Variants in PHF24 observed in about 807,000 individuals in gnomAD.
PHF24 encodes the protein Galpha inhibitory interacting protein.
A neutral mutation model predicts 42.6 loss-of-function variants in PHF24; 25 were observed. The observed-to-expected ratio is 0.59, with a 90% CI of 0.43 to 0.82. The LOEUF (loss-of-function observed/expected upper bound fraction) is 0.82, where lower values mean the gene tolerates loss of function less well. PHF24 is among the 40% of genes least tolerant of loss of function. The pLI, the probability that PHF24 is intolerant of heterozygous loss-of-function variation, is 0.00. For synonymous variants in PHF24, 185 were observed against 204.8 expected (o/e 0.90, Z 0.83); for missense variants, 470 against 538.1 (o/e 0.87, Z 1.25).
At chr9:34,898,808 G>C in the PHF24 span, among the ~76,000 whole-genome samples, 1 of 152,228 alleles carries the variant, frequency 6.6e-6, no homozygotes, top group South Asian at 2.1e-4. Context: ...TGCAAGTCCT[G>C]CACCTGCTTC....
the PHF24 span, among the ~76,000 whole-genome samples, chr9:34,769,178 G>A: frequency 4.6e-5 from 7 of 152,100 alleles, no homozygotes; most frequent in African/African-American, 7.2e-5. Context: ...GTGCAGTGGC[G>A]CAGTCTTGGC....
the PHF24 span, among the ~76,000 whole-genome samples, chr9:34,707,383 C>T: frequency 6.6e-6 from 1 of 152,120 alleles, no homozygotes; most frequent in African/African-American, 2.4e-5. Flanking sequence ...TTTGCATAAC[C>T]CTTGGCAGGT....
At chr9:34,674,305 C>T in the PHF24 span, among the ~76,000 whole-genome samples, 5 of 152,334 alleles carry the variant, frequency 3.3e-5, no homozygotes, top group Non-Finnish European at 7.3e-5. Flanking sequence ...TCTATCCATC[C>T]GTCCATCCCA....
chr9:34,694,625 G>A, the PHF24 span, among the ~76,000 whole-genome samples: 1 of 152,126 alleles, frequency 6.6e-6, no homozygotes, highest in African/African-American at 2.4e-5. Context: ...GAGCCACCAT[G>A]CCCGGCCTAA....
the PHF24 span, among the ~76,000 whole-genome samples, chr9:34,703,893 G>A: frequency 7.9e-5 from 12 of 152,046 alleles, no homozygotes; most frequent in East Asian, 2.1e-3. Flanking sequence ...TTGGTTTCAG[G>A]TTTATAGGAC....
At chr9:34,845,436 AG>A in the PHF24 span, among the ~76,000 whole-genome samples, 28 of 152,002 alleles carry the variant, frequency 1.8e-4, no homozygotes, top group Non-Finnish European at 3.7e-4. Flanking sequence ...TGTTGAGGTT[AG>A]ATGATTTTCT....
the PHF24 span, among the ~76,000 whole-genome samples, chr9:34,760,535 A>G: frequency 6.6e-6 from 1 of 152,254 alleles, no homozygotes; most frequent in South Asian, 2.1e-4. Flanking sequence ...GAAGTTGGGC[A>G]GGAAGCCCCA....
the PHF24 span, among the ~76,000 whole-genome samples, chr9:34,929,721 T>A: frequency 6.6e-6 from 1 of 152,202 alleles, no homozygotes; most frequent in South Asian, 2.1e-4. Flanking sequence ...AGCTATTAGC[T>A]CAAGCACACA....
the PHF24 span, among the ~76,000 whole-genome samples, chr9:34,696,024 A>G: frequency 6.6e-6 from 1 of 152,182 alleles, no homozygotes; most frequent in Non-Finnish European, 1.5e-5. Context: ...TGAGGCATGG[A>G]TGAAATGTTG....
At chr9:34,844,009 C>T in the PHF24 span, among the ~76,000 whole-genome samples, 1 of 152,148 alleles carries the variant, frequency 6.6e-6, no homozygotes, top group Non-Finnish European at 1.5e-5. Context: ...TCTATTTCTT[C>T]ATGATTCCTT....
chr9:34,680,780 C>A, the PHF24 span: 5 of 149,636 alleles, frequency 3.3e-5, no homozygotes, highest in African/African-American at 1.2e-4. Context: ...AGTCCCAGAA[C>A]CAGTTGCAGA....
At chr9:34,856,217 A>C in the PHF24 span, among the ~76,000 whole-genome samples, 1 of 152,170 alleles carries the variant, frequency 6.6e-6, no homozygotes, top group Non-Finnish European at 1.5e-5. Flanking sequence ...GGGTTGGAAC[A>C]TGCTTCTTTA....
At chr9:34,827,235 TC>T in the PHF24 span, among the ~76,000 whole-genome samples, 2 of 152,146 alleles carry the variant, frequency 1.3e-5, no homozygotes, top group Non-Finnish European at 2.9e-5. Context: ...ATTCTGGGCT[TC>T]CCTCTATTCT....
the PHF24 span, among the ~76,000 whole-genome samples, chr9:34,889,938 A>G: frequency 6.6e-6 from 1 of 152,138 alleles, no homozygotes; most frequent in Non-Finnish European, 1.5e-5. Context: ...TTACTCTAAC[A>G]GCTTTGCAAA....
the PHF24 span, chr9:34,834,008 A>G: frequency 6.5e-7 from 1 of 1,549,230 alleles, no homozygotes; most frequent in African/African-American, 1.4e-5. Context: ...TTCCACAGAC[A>G]AGACTCGGAG....
the PHF24 span, among the ~76,000 whole-genome samples, chr9:34,680,637 G>A: frequency 1.5e-4 from 22 of 146,016 alleles, no homozygotes; most frequent in African/African-American, 5.0e-4. Context: ...GCAGTGAGCC[G>A]AGATCCCGCC....
the PHF24 span, among the ~76,000 whole-genome samples, chr9:34,898,020 C>A: frequency 1.3e-5 from 2 of 152,310 alleles, no homozygotes; most frequent in South Asian, 4.1e-4. Context: ...CTTTTTATGG[C>A]TGAGTAGTAT....
the PHF24 span, among the ~76,000 whole-genome samples, chr9:34,677,028 T>C: frequency 2.0e-5 from 3 of 152,162 alleles, no homozygotes; most frequent in Non-Finnish European, 2.9e-5. Context: ...TTCCAAACTA[T>C]ATCAGATACC....
chr9:34,736,248 A>G, the PHF24 span, among the ~76,000 whole-genome samples: 1 of 152,214 alleles, frequency 6.6e-6, no homozygotes, highest in African/African-American at 2.4e-5. Flanking sequence ...AGGAGAAAAG[A>G]AAGATGATGG....
Sources: allele counts gnomAD v4.1 joint callset (sites outside exome capture counted in the v4.1 genomes callset), GRCh38; gene constraint gnomAD v4.1.1; transcripts MANE v1.5; gene names NCBI Gene and HGNC (gene_info 2026-07-23, HGNC 2026-07-21).